PPM1L: variants seen among roughly 807,000 people sequenced by gnomAD.
The protein encoded by PPM1L is protein phosphatase 1L.
Under a neutral mutation model 31.4 loss-of-function variants are expected in PPM1L, and 13 were observed. That is an observed-to-expected ratio of 0.41 (90% CI 0.27 to 0.66). The LOEUF (loss-of-function observed/expected upper bound fraction) is 0.66, where lower values mean the gene tolerates loss of function less well. Among genes scored for constraint, PPM1L ranks in the 30% least tolerant of loss-of-function variants. The pLI, the probability that PPM1L is intolerant of heterozygous loss-of-function variation, is 0.29. For missense variants in PPM1L, 326 were observed against 453.7 expected, an observed-to-expected ratio of 0.72 and a Z score of 2.56; for synonymous variants, 184 against 175.4, an observed-to-expected ratio of 1.05 and a Z score of -0.39.
At chr3:160,987,556 A>T (rs1717003669) in intron 2 of PPM1L, among the ~76,000 whole-genome samples, 1 of 152,238 alleles carries the variant, frequency 6.6e-6, no homozygotes, top group East Asian at 1.9e-4. Context: ...AGGGAGGTAG[A>T]AGTGAAGAGA....
intron 2 of PPM1L, among the ~76,000 whole-genome samples, chr3:161,011,228 T>C (rs940090750): frequency 1.3e-5 from 2 of 152,258 alleles, no homozygotes; most frequent in Non-Finnish European, 2.9e-5. Context: ...TTCAGCTTTC[T>C]ACATATGGCA....
At chr3:160,810,500 GT>G (rs1476709009) in intron 1 of PPM1L, among the ~76,000 whole-genome samples, 2 of 152,096 alleles carry the variant, frequency 1.3e-5, no homozygotes, top group African/African-American at 4.8e-5. Context: ...TTGGTCCCTG[GT>G]GGCCACCTTC....
chr3:160,999,952 A>G (rs549143809), intron 2 of PPM1L, among the ~76,000 whole-genome samples: 1 of 152,266 alleles, frequency 6.6e-6, no homozygotes, highest in Admixed American at 6.5e-5. Flanking sequence ...GGATATTTTT[A>G]TTGTAAGTAC....
At chr3:160,760,422 C>G (rs191986084) in intron 1 of PPM1L, among the ~76,000 whole-genome samples, 3 of 152,218 alleles carry the variant, frequency 2.0e-5, no homozygotes, top group Middle Eastern at 3.4e-3. Context: ...GTGGCTTCTT[C>G]TAGATGGATG....
intron 1 of PPM1L, among the ~76,000 whole-genome samples, chr3:160,794,656 G>C (rs1456301126): frequency 6.6e-6 from 1 of 152,136 alleles, no homozygotes; most frequent in Non-Finnish European, 1.5e-5. Context: ...CCCTCTGAGA[G>C]CAAGATTGTT....
At chr3:160,777,822 C>T (rs1377650561) in intron 1 of PPM1L, among the ~76,000 whole-genome samples, 1 of 152,136 alleles carries the variant, frequency 6.6e-6, no homozygotes, top group Non-Finnish European at 1.5e-5. Context: ...GTACTAGGAA[C>T]ATAGGTGTGC....
At chr3:160,770,798 G>A (rs753065228) in intron 1 of PPM1L, among the ~76,000 whole-genome samples, 7 of 152,178 alleles carry the variant, frequency 4.6e-5, no homozygotes, top group Non-Finnish European at 8.8e-5. Flanking sequence ...GCTGGTTTTG[G>A]TGAAGGTCAT....
At chr3:161,051,946 C>A (rs757063096) in intron 2 of PPM1L, among the ~76,000 whole-genome samples, 1 of 152,040 alleles carries the variant, frequency 6.6e-6, no homozygotes, top group East Asian at 1.9e-4. Context: ...TGTTTTTGTC[C>A]GCCTTTTCCC....
chr3:161,073,625 A>T lies in PPM1L; in HGVS notation c.*4468A>T, dbSNP rs1361049320. 1 of 151,812 alleles carries T rather than the reference A, an allele frequency of 6.6e-6. No homozygotes were observed. The highest frequency in any genetic ancestry group is 2.4e-5 in the African/African-American group (1 of 41,282). 9.4% of individuals were successfully genotyped at this position (151,812 alleles called of 1,614,324 possible). The stretch of plus-strand genomic sequence containing the variant: ...CACCCAGGCTGGAATGCCGTGGCGC[A>T]ATGTCAGGTCACTGCAAGCTCCGCC... On this transcript the variant is annotated 3_prime_UTR_variant, in exon 4 of 4. Coordinates refer to ENST00000498165, the MANE Select transcript of PPM1L (RefSeq NM_139245.4).
chr3:161,019,900 G>A (rs542945142), intron 2 of PPM1L, among the ~76,000 whole-genome samples: 8 of 152,170 alleles, frequency 5.3e-5, no homozygotes, highest in African/African-American at 1.7e-4. Context: ...CCAAGGCAGC[G>A]GATCACCAGG....
rs150328470 is a variant in PPM1L, at chr3:160,834,471, ATGTGTG to A, written c.399+77801_399+77806del. Among the ~76,000 whole-genome samples the A allele has an allele frequency of 7.3e-3, 1,018 of 139,056 alleles. 10 individuals carry two copies. The highest frequency in any genetic ancestry group is 0.015 in the African/African-American group (563 of 37,972). 91.2% of individuals were successfully genotyped at this position (139,056 alleles called of 152,430 possible). On this transcript the variant is annotated intron_variant, in intron 1 of 3. Transcript: ENST00000498165. ...TTTTTACATGCATTTGTGTATGTGT[ATGTGTG>A]TGTGTGTGTGTGTGTGTGTGTGTGT...
intron 1 of PPM1L, among the ~76,000 whole-genome samples, chr3:160,875,506 G>A (rs965770593): frequency 3.3e-5 from 5 of 152,020 alleles, no homozygotes; most frequent in Non-Finnish European, 5.9e-5. Context: ...ACATCTTTTG[G>A]GAAGCAGGAT....
intron 2 of PPM1L, among the ~76,000 whole-genome samples, chr3:161,006,356 G>C (rs1717703758): frequency 6.6e-6 from 1 of 152,112 alleles, no homozygotes; most frequent in Admixed American, 6.6e-5. Flanking sequence ...TGAGGGAAGG[G>C]GGAATAGGCA....
intron 3 of PPM1L, among the ~76,000 whole-genome samples, chr3:161,068,409 C>T (rs1296405592): frequency 6.6e-6 from 1 of 152,110 alleles, no homozygotes; most frequent in Non-Finnish European, 1.5e-5. Context: ...TTATGAGTGG[C>T]CTCAGGCCAA....
intron 1 of PPM1L, among the ~76,000 whole-genome samples, chr3:160,914,859 T>A (rs542877425): frequency 2.0e-5 from 3 of 152,104 alleles, no homozygotes; most frequent in Non-Finnish European, 4.4e-5. Context: ...CCTGAGGAAT[T>A]GCCACACTGA....
chr3:160,924,945 C>T (rs1486272147), intron 1 of PPM1L, among the ~76,000 whole-genome samples: 2 of 152,214 alleles, frequency 1.3e-5, no homozygotes, highest in Non-Finnish European at 2.9e-5. Flanking sequence ...CATAAAACCT[C>T]ATTGCAGACA....
intron 1 of PPM1L, among the ~76,000 whole-genome samples, chr3:160,948,040 A>G (rs1370998670): frequency 1.3e-5 from 2 of 152,160 alleles, no homozygotes; most frequent in African/African-American, 2.4e-5. Flanking sequence ...TAATATAAAT[A>G]ACCATTTATC....
chr3:160,800,610 T>C (rs753287027), intron 1 of PPM1L, among the ~76,000 whole-genome samples: 2 of 152,212 alleles, frequency 1.3e-5, no homozygotes, highest in African/African-American at 2.4e-5. Context: ...TGTAATATTT[T>C]AACAGCCAAA....
intron 2 of PPM1L, among the ~76,000 whole-genome samples, chr3:161,008,713 T>A (rs2108060338): frequency 6.6e-6 from 1 of 152,022 alleles, no homozygotes; most frequent in East Asian, 1.9e-4. Context: ...GAGTCTGGAG[T>A]TTTTGACCCA....
Sources: gnomAD v4.1 joint callset for allele counts (sites outside exome capture counted in the v4.1 genomes callset) on GRCh38, gnomAD v4.1.1 for gene constraint, MANE v1.5 for transcripts, NCBI Gene and HGNC (gene_info 2026-07-23, HGNC 2026-07-21) for gene names.